Variants in TANGO6 observed in about 807,000 individuals in gnomAD.
TANGO6 encodes the protein transport and Golgi organization protein 6 homolog.
Under a neutral mutation model 114.2 loss-of-function variants are expected in TANGO6, and 90 were observed. The observed-to-expected ratio is 0.79, with a 90% CI of 0.66 to 0.94. The LOEUF (loss-of-function observed/expected upper bound fraction) is 0.94. Ranked by LOEUF, TANGO6 falls within the 40% of genes least tolerant of loss-of-function variation. The pLI, the probability that TANGO6 is intolerant of heterozygous loss-of-function variation, is 0.00. For synonymous variants in TANGO6, 477 were observed against 509.8 expected (o/e 0.94, Z 0.87); for missense variants, 1,274 against 1,315.3 (o/e 0.97, Z 0.49).
intron 15 of TANGO6, among the ~76,000 whole-genome samples, chr16:69,011,032 T>C (rs1245474167): frequency 6.6e-6 from 1 of 152,198 alleles, no homozygotes; most frequent in Non-Finnish European, 1.5e-5. Context: ...TTGAGAAACA[T>C]TGGAGTAAAA....
At chr16:68,865,689 C>T (rs1345194099) in intron 3 of TANGO6, among the ~76,000 whole-genome samples, 2 of 150,050 alleles carry the variant, frequency 1.3e-5, no homozygotes, top group East Asian at 3.9e-4. Flanking sequence ...GTGGGTGGAT[C>T]ACAAGGTCAG....
chr16:69,025,466 T>A (rs13332087), intron 16 of TANGO6, among the ~76,000 whole-genome samples: 1 of 152,006 alleles, frequency 6.6e-6, no homozygotes, highest in Non-Finnish European at 1.5e-5. Context: ...TTTGTGAGTA[T>A]GCAAAAAAGG....
intron 4 of TANGO6, among the ~76,000 whole-genome samples, chr16:68,868,772 C>T (rs892744207): frequency 1.3e-5 from 2 of 152,086 alleles, no homozygotes; most frequent in Non-Finnish European, 2.9e-5. Flanking sequence ...GCTGGGATTA[C>T]AGGCATGATC....
intron 4 of TANGO6, among the ~76,000 whole-genome samples, chr16:68,869,888 T>G (rs189682795): frequency 6.6e-6 from 1 of 151,812 alleles, no homozygotes; most frequent in African/African-American, 2.4e-5. Flanking sequence ...TCCACGTGGG[T>G]AGAGTAGTGA....
intron 5 of TANGO6, among the ~76,000 whole-genome samples, chr16:68,876,162 TA>T (rs938035511): frequency 1.3e-5 from 2 of 148,338 alleles, no homozygotes; most frequent in African/African-American, 5.3e-5. Context: ...CAATTAATGC[TA>T]ATTTTTTTTT....
intron 7 of TANGO6, among the ~76,000 whole-genome samples, chr16:68,882,359 T>C (rs962058270): frequency 6.6e-6 from 1 of 151,882 alleles, no homozygotes; most frequent in Non-Finnish European, 1.5e-5. Context: ...TAGCCGGGCG[T>C]GGTGGCAGGC....
chr16:68,870,000 C>T (rs1962243738), intron 4 of TANGO6, among the ~76,000 whole-genome samples: 1 of 152,114 alleles, frequency 6.6e-6, no homozygotes, highest in African/African-American at 2.4e-5. Context: ...GAACTTTATT[C>T]TGAGGGAGAT....
chr16:69,023,030 G>A (rs1164771201), intron 16 of TANGO6, 51 bp downstream of exon 16: 5 of 1,476,630 alleles, frequency 3.4e-6, no homozygotes, highest in Admixed American at 2.7e-5. Context: ...TTGGACCTAC[G>A]ATGCATCTTG....
At position 68,985,557 on chromosome 16, in the gene TANGO6, A is replaced by T. The variant is rs1364116732; in HGVS notation, c.2842+11389A>T. ...AAACCCCATCTCTACACAAAAATAC[A>T]AAAATTAGCTGGGGGTGTGGTGGCA... On this transcript the variant is annotated intron_variant, in intron 15 of 17. Transcript: ENST00000261778. Among the ~76,000 whole-genome samples the T allele has an allele frequency of 4.6e-5, 7 of 152,186 alleles. No individual in the cohort carries two copies. The East Asian group carries it at 1.4e-3, about 29-fold the overall frequency.
At chr16:68,866,713 GA>G (rs1478750953) in intron 3 of TANGO6, among the ~76,000 whole-genome samples, 1 of 151,800 alleles carries the variant, frequency 6.6e-6, no homozygotes, top group African/African-American at 2.4e-5. Flanking sequence ...GAGGTGGGTG[GA>G]TCACCTGAGG....
At chr16:68,939,612 A>G (rs1224142314) in intron 14 of TANGO6, among the ~76,000 whole-genome samples, 1 of 147,430 alleles carries the variant, frequency 6.8e-6, no homozygotes, top group Non-Finnish European at 1.5e-5. Flanking sequence ...AAGCATGGAT[A>G]TTTTATTCTA....
chr16:69,015,630 C>T (rs1488604236), intron 15 of TANGO6, among the ~76,000 whole-genome samples: 1 of 151,854 alleles, frequency 6.6e-6, no homozygotes, highest in Non-Finnish European at 1.5e-5. Context: ...TACAGGCGCC[C>T]GCCACCACGC....
chr16:68,877,206 A>G (rs913832977), intron 5 of TANGO6, among the ~76,000 whole-genome samples: 2 of 152,210 alleles, frequency 1.3e-5, no homozygotes, highest in East Asian at 1.9e-4. Context: ...ACGGTGGCTC[A>G]CGCCTGTAAT....
chr16:68,954,100 G>T (rs1883764381), intron 14 of TANGO6, among the ~76,000 whole-genome samples: 1 of 151,460 alleles, frequency 6.6e-6, no homozygotes, highest in African/African-American at 2.4e-5. Flanking sequence ...AAAAAGAAAA[G>T]TTAGCTGGGT....
chr16:69,040,217 T>C, intron 16 of TANGO6, 91 bp from the exon 17 acceptor site: 1 of 1,106,082 alleles, frequency 9.0e-7, no homozygotes, highest in East Asian at 2.6e-5. Flanking sequence ...TTGCTCTTGA[T>C]GAATGTGTAG....
chr16:68,863,335 C>T (rs138803432), intron 3 of TANGO6, among the ~76,000 whole-genome samples: 105 of 152,052 alleles, frequency 6.9e-4, no homozygotes, highest in Middle Eastern at 6.8e-3. Flanking sequence ...TGGCTGGGCA[C>T]GGTGGCTCAC....
intron 16 of TANGO6, among the ~76,000 whole-genome samples, chr16:69,024,401 T>C (rs1025813231): frequency 6.6e-6 from 1 of 151,994 alleles, no homozygotes; most frequent in Non-Finnish European, 1.5e-5. Context: ...CCCGAGTAGC[T>C]GGGATTACAG....
intron 17 of TANGO6, among the ~76,000 whole-genome samples, chr16:69,051,433 T>C (rs192291910): frequency 2.1e-4 from 32 of 152,236 alleles, no homozygotes; most frequent in African/African-American, 6.5e-4. Context: ...CCCAGCACTT[T>C]GGGAGGCTGA....
At chr16:68,950,819 G>C (rs1963464813) in intron 14 of TANGO6, among the ~76,000 whole-genome samples, 1 of 151,190 alleles carries the variant, frequency 6.6e-6, no homozygotes, top group Non-Finnish European at 1.5e-5. Flanking sequence ...ATGTGGCACC[G>C]TTGCACTCCA....
Sources: gnomAD v4.1 joint callset for allele counts (sites outside exome capture counted in the v4.1 genomes callset) on GRCh38, gnomAD v4.1.1 for gene constraint, MANE v1.5 for transcripts, NCBI Gene and HGNC (gene_info 2026-07-23, HGNC 2026-07-21) for gene names.